TUSC3: variants seen among roughly 807,000 people sequenced by gnomAD.
TUSC3 encodes the protein dolichyl-diphosphooligosaccharide--protein glycosyltransferase subunit TUSC3.
TUSC3 carries 45 observed loss-of-function variants against 44.8 expected under a neutral mutation model. That is an observed-to-expected ratio of 1.00 (90% confidence interval 0.79 to 1.29). TUSC3 has a LOEUF of 1.29. Ranked by LOEUF, TUSC3 falls within the 50% of genes most tolerant of loss-of-function variation. The pLI is 0.00. For synonymous variants in TUSC3, 212 were observed against 152.9 expected, an observed-to-expected ratio of 1.39 and a Z score of -2.85; for missense variants, 519 against 437.9, an observed-to-expected ratio of 1.19 and a Z score of -1.65.
chr8:15,607,233 CTTAA>C (rs1804569976), intron 1 of TUSC3, among the ~76,000 whole-genome samples: 1 of 152,020 alleles, frequency 6.6e-6, no homozygotes, highest in African/African-American at 2.4e-5. Flanking sequence ...TTTTTCATTA[CTTAA>C]TTAGTTACAC....
At chr8:15,779,300 T>C in the TUSC3 span, among the ~76,000 whole-genome samples, 1 of 152,092 alleles carries the variant, frequency 6.6e-6, no homozygotes, top group South Asian at 2.1e-4. Flanking sequence ...ACTCCTACCA[T>C]GTAGCAGTCC....
intron 2 of TUSC3, among the ~76,000 whole-genome samples, chr8:15,503,777 T>A (rs4831730): frequency 1.3e-5 from 2 of 151,928 alleles, no homozygotes; most frequent in Admixed American, 1.3e-4. Context: ...CTGAGGCGGG[T>A]GAATCACTTG....
the TUSC3 span, among the ~76,000 whole-genome samples, chr8:15,827,181 G>A: frequency 6.6e-6 from 1 of 152,068 alleles, no homozygotes; most frequent in African/African-American, 2.4e-5. Context: ...GTAACTGATG[G>A]GGTACGCTGG....
chr8:15,757,323 A>C (rs892264832), intron 9 of TUSC3, among the ~76,000 whole-genome samples: 1 of 152,182 alleles, frequency 6.6e-6, no homozygotes, highest in African/African-American at 2.4e-5. Flanking sequence ...AATGATATTC[A>C]GTAAGGAAAT....
At chr8:15,825,951 G>T in the TUSC3 span, among the ~76,000 whole-genome samples, 1 of 149,458 alleles carries the variant, frequency 6.7e-6, no homozygotes, top group African/African-American at 2.5e-5. Flanking sequence ...ATTTGCCTAG[G>T]GAAATTCATG....
At chr8:15,831,801 A>T in the TUSC3 span, among the ~76,000 whole-genome samples, 1 of 152,194 alleles carries the variant, frequency 6.6e-6, no homozygotes. Context: ...ATGTAAAGAG[A>T]TCAAATATAT....
intron 1 of TUSC3, among the ~76,000 whole-genome samples, chr8:15,478,897 G>A (rs1468397118): frequency 3.9e-5 from 6 of 152,000 alleles, no homozygotes; most frequent in Non-Finnish European, 7.4e-5. Context: ...CATTCCCACC[G>A]ATAGTGTAAA....
chr8:15,777,974 G>A, the TUSC3 span, among the ~76,000 whole-genome samples: 1 of 151,990 alleles, frequency 6.6e-6, no homozygotes, highest in East Asian at 1.9e-4. Flanking sequence ...CAAATAAAAA[G>A]AGCATTGAAA....
At chr8:15,585,104 A>G (rs11203713) in intron 1 of TUSC3, among the ~76,000 whole-genome samples, 66,284 of 151,960 alleles carry the variant, frequency 0.44, 15,354 homozygotes, top group East Asian at 0.62. Context: ...ATGAAAGGCT[A>G]CTGCTACTAT....
rs1809097620 is a variant in TUSC3 at position 15,695,008 on chromosome 8, G to A, written c.798+21172G>A. Among the ~76,000 whole-genome samples the A allele has an allele frequency of 2.6e-5, 4 of 152,210 alleles. No homozygotes were observed. In the South Asian group the frequency reaches 8.3e-4, roughly 31 times the overall value. ...AGCATGTGTTTGCACCATTGCCGGTGTCATAGCAGGGGCAGAGATCTTTTG... is the reference window on the plus strand; with the variant it reads ...AGCATGTGTTTGCACCATTGCCGGTATCATAGCAGGGGCAGAGATCTTTTG... On this transcript the variant is annotated intron_variant, in intron 6 of 10. Transcript: ENST00000503731.
chr8:15,770,292 G>A (rs1262144193), downstream of TUSC3, among the ~76,000 whole-genome samples: 2 of 152,018 alleles, frequency 1.3e-5, no homozygotes, highest in African/African-American at 4.8e-5. Flanking sequence ...ACCATCCTCA[G>A]CAAACTAACA....
At chr8:15,662,341 AATAATATAAGTTGT>A (rs1209202511) in intron 5 of TUSC3, 45 bp downstream of exon 5, 1 of 1,609,928 alleles carries the variant, frequency 6.2e-7, no homozygotes, top group East Asian at 2.2e-5. Flanking sequence ...TTCTTTGTGT[AATAATATAAGTTGT>A]ATAATATTAA....
the TUSC3 span, among the ~76,000 whole-genome samples, chr8:15,783,176 C>T: frequency 2.6e-5 from 4 of 151,992 alleles, no homozygotes; most frequent in Non-Finnish European, 5.9e-5. Flanking sequence ...TTACTGAAAA[C>T]TATAAAATAT....
rs1242239948 is a variant in TUSC3 at position 15,627,023 on chromosome 8, GTGGTACTTTTTCCT to G, written c.308+3775_308+3788del. ...GTCCCGTTGAACAGAGTGGGAAAGT[GTGGTACTTTTTCCT>G]ACTCTCACCCATGCACCAGTCAGCG... On this transcript the variant is annotated intron_variant, in intron 2 of 10. Transcript: ENST00000503731. Among the ~76,000 whole-genome samples the G allele has an allele frequency of 5.1e-4, 77 of 152,102 alleles. 2 individuals are homozygous for G. Among genetic ancestry groups the G allele is most frequent in the Non-Finnish European group, 1.8e-4 (12 of 68,036 alleles).
At chr8:15,634,915 T>C (rs1028271844) in intron 2 of TUSC3, among the ~76,000 whole-genome samples, 1 of 152,216 alleles carries the variant, frequency 6.6e-6, no homozygotes, top group Non-Finnish European at 1.5e-5. Context: ...CATCCTTCAC[T>C]TTGGCCTCCG....
At chr8:15,755,529 G>T (rs1811888757) in intron 9 of TUSC3, among the ~76,000 whole-genome samples, 1 of 151,790 alleles carries the variant, frequency 6.6e-6, no homozygotes, top group African/African-American at 2.4e-5. Flanking sequence ...TGGGCTCCTG[G>T]GTCTCTTGAA....
chr8:15,585,408 C>T (rs956707241), intron 1 of TUSC3, among the ~76,000 whole-genome samples: 8 of 152,050 alleles, frequency 5.3e-5, no homozygotes, highest in African/African-American at 1.9e-4. Flanking sequence ...AAGTAAGAAA[C>T]GTGGACACAA....
intron 8 of TUSC3, among the ~76,000 whole-genome samples, chr8:15,746,254 C>A (rs1811410486): frequency 6.6e-6 from 1 of 152,076 alleles, no homozygotes; most frequent in Non-Finnish European, 1.5e-5. Context: ...TCACCGTTTT[C>A]AACTCCTCTC....
At chr8:15,851,400 TAAC>T in the TUSC3 span, among the ~76,000 whole-genome samples, 2 of 152,200 alleles carry the variant, frequency 1.3e-5, no homozygotes, top group African/African-American at 2.4e-5. Context: ...GATGCGATGA[TAAC>T]AAATATTTAT....
Sources: allele counts gnomAD v4.1 joint callset (sites outside exome capture counted in the v4.1 genomes callset), GRCh38; gene constraint gnomAD v4.1.1; transcripts MANE v1.5; gene names NCBI Gene and HGNC (gene_info 2026-07-23, HGNC 2026-07-21).